The following SLC9A6 variants were observed in gnomAD, a reference collection of about 807,000 sequenced individuals.
SLC9A6 encodes solute carrier family 9 member A6, also known as sodium/hydrogen exchanger 6.
In SLC9A6, 6 loss-of-function variants were observed where a neutral mutation model predicts 45.3. The observed-to-expected ratio is 0.13, with a 90% CI of 0.07 to 0.26. SLC9A6 has a LOEUF of 0.26. Among genes scored for constraint, SLC9A6 ranks in the 10% least tolerant of loss-of-function variants. The probability of loss-of-function intolerance (pLI) is 1.00; values close to 1 mark genes in which losing one functional copy is unlikely to be tolerated. For synonymous variants in SLC9A6, 191 were observed against 187.7 expected (o/e 1.02, Z -0.14); for missense variants, 278 against 503.7 (o/e 0.55, Z 4.29).
chrX:135,991,113 G>A (rs1457190072), intron 2 of SLC9A6, among the ~76,000 whole-genome samples: 1 of 111,473 alleles, frequency 9.0e-6, no homozygotes, highest in Non-Finnish European at 1.9e-5. Flanking sequence ...TTTTAAATTC[G>A]AACCTTTGTT....
intron 15 of SLC9A6, among the ~76,000 whole-genome samples, chrX:136,031,061 T>C (rs1172861000): frequency 2.7e-5 from 3 of 111,924 alleles, no homozygotes; most frequent in African/African-American, 6.5e-5. Context: ...GTATGAGATA[T>C]AGTAAGTACT....
chrX:136,027,774 A>G (rs1431379359), intron 13 of SLC9A6, among the ~76,000 whole-genome samples: 1 of 112,412 alleles, frequency 8.9e-6, no homozygotes, highest in East Asian at 2.8e-4. Context: ...TTAAAATACA[A>G]TTGGAAATCC....
intron 2 of SLC9A6, among the ~76,000 whole-genome samples, chrX:135,992,460 TAAACTTCA>T (rs782092256): frequency 8.9e-6 from 1 of 111,881 alleles, no homozygotes; most frequent in East Asian, 2.8e-4. Context: ...ACTTTTGGGA[TAAACTTCA>T]AATTCCCTTC....
intron 2 of SLC9A6, 33 bp from the exon 3 acceptor site, chrX:135,994,753 G>A (rs368123838): frequency 3.5e-5 from 42 of 1,185,435 alleles, no homozygotes; most frequent in Middle Eastern, 2.3e-4. Context: ...GGTCTCTGTC[G>A]GCAAGAAGAG....
At position 136,013,452 on chromosome X, in the gene SLC9A6, A is replaced by G. The variant is rs782436798; in HGVS notation, c.1080+15A>G. On this transcript the variant is annotated intron_variant, in intron 10 of 17. Coordinates refer to ENST00000630721, the MANE Select transcript of SLC9A6 (RefSeq NM_001379110.1). ...GAACTAAACAGGTAAGAGGAACTTT[A>G]TAGTTTGTGAATAGGCTTTTCCTTC... The G allele has an allele frequency of 1.8e-6, 2 of 1,082,889 alleles. No homozygotes were observed. The highest frequency in any genetic ancestry group is 3.7e-5 in the South Asian group (2 of 53,801). The allele number at this position is 1,082,889 out of a possible 1,213,427, so 89.2% of individuals were successfully genotyped here.
chrX:135,989,308 A>C (rs2148135574), intron 2 of SLC9A6, among the ~76,000 whole-genome samples: 1 of 112,303 alleles, frequency 8.9e-6, no homozygotes, highest in South Asian at 3.7e-4. Context: ...TAAGAAGCTT[A>C]AAAGTGAGTC....
chrX:136,003,428 T>C (rs959566238), intron 7 of SLC9A6, among the ~76,000 whole-genome samples: 1 of 112,653 alleles, frequency 8.9e-6, no homozygotes, highest in South Asian at 3.6e-4. Flanking sequence ...TGGAGAACTT[T>C]GCATGTCAAA....
At chrX:136,038,887 C>T (rs1245809087) in intron 16 of SLC9A6, among the ~76,000 whole-genome samples, 2 of 107,468 alleles carry the variant, frequency 1.9e-5, no homozygotes, top group African/African-American at 7.0e-5. Flanking sequence ...CATTTCTTTA[C>T]TCAAAATGCT....
chrX:135,985,913 G>A, intron 2 of SLC9A6, 86 bp downstream of exon 2: 1 of 1,093,378 alleles, frequency 9.1e-7, no homozygotes. Context: ...GGCCCTGCTC[G>A]GCCTACGTTC....
intron 3 of SLC9A6, among the ~76,000 whole-genome samples, chrX:135,997,336 G>A (rs1556616703): frequency 9.1e-6 from 1 of 110,279 alleles, no homozygotes; most frequent in Non-Finnish European, 1.9e-5. Context: ...GATTACAGGC[G>A]TGGGCCACAG....
intron 15 of SLC9A6, among the ~76,000 whole-genome samples, chrX:136,032,864 AT>A (rs1234532380): frequency 1.8e-5 from 2 of 111,308 alleles, no homozygotes; most frequent in African/African-American, 6.5e-5. Context: ...TACCACATTG[AT>A]TTTTTTTCTT....
At chrX:135,988,055 T>C (rs1023551051) in intron 2 of SLC9A6, among the ~76,000 whole-genome samples, 11 of 111,845 alleles carry the variant, frequency 9.8e-5, no homozygotes, top group Non-Finnish European at 3.8e-5. Flanking sequence ...GAGAATCAAA[T>C]AGGGGCTTTG....
chrX:135,992,121 T>G (rs1370853955), intron 2 of SLC9A6, among the ~76,000 whole-genome samples: 2 of 111,835 alleles, frequency 1.8e-5, no homozygotes, highest in Non-Finnish European at 3.8e-5. Flanking sequence ...TGTAAATCTG[T>G]TCATCTGTGT....
At chrX:136,014,782 C>G (rs1263880836) in intron 10 of SLC9A6, among the ~76,000 whole-genome samples, 1 of 112,382 alleles carries the variant, frequency 8.9e-6, no homozygotes, top group Admixed American at 9.4e-5. Context: ...AACAAACAAA[C>G]AACAAAAAAC....
chrX:136,005,944 A>G (rs1452427314), intron 7 of SLC9A6, among the ~76,000 whole-genome samples: 2 of 110,959 alleles, frequency 1.8e-5, no homozygotes, highest in African/African-American at 6.5e-5. Context: ...GGAACATAAC[A>G]GAGAAATTGT....
intron 1 of SLC9A6, among the ~76,000 whole-genome samples, chrX:135,976,065 G>T (rs951359155): frequency 9.2e-6 from 1 of 109,070 alleles, no homozygotes; most frequent in African/African-American, 3.3e-5. Flanking sequence ...TTTTGTCCTG[G>T]ATCTCATTTT....
intron 7 of SLC9A6, chrX:136,010,071 C>T: frequency 6.2e-6 from 1 of 162,001 alleles, no homozygotes; most frequent in African/African-American, 3.0e-5. Flanking sequence ...TGGGATTTTT[C>T]ATTAGTTTGT....
chrX:136,008,340 G>A (rs1426203463), intron 7 of SLC9A6, among the ~76,000 whole-genome samples: 1 of 111,311 alleles, frequency 9.0e-6, no homozygotes, highest in South Asian at 3.8e-4. Flanking sequence ...GGTTCATGAG[G>A]TTCACCTGCC....
At chrX:135,979,799 T>C (rs2089278383) in intron 1 of SLC9A6, among the ~76,000 whole-genome samples, 1 of 112,339 alleles carries the variant, frequency 8.9e-6, no homozygotes, top group South Asian at 3.7e-4. Flanking sequence ...GGAGTCTTGC[T>C]CTGTTGCTCA....
Sources: gnomAD v4.1 joint callset for allele counts (sites outside exome capture counted in the v4.1 genomes callset) on GRCh38, gnomAD v4.1.1 for gene constraint, MANE v1.5 for transcripts, NCBI Gene and HGNC (gene_info 2026-07-23, HGNC 2026-07-21) for gene names.